FZD3: variants seen among roughly 807,000 people sequenced by gnomAD.
FZD3 encodes the protein frizzled class receptor 3.
In FZD3, 30 loss-of-function variants were observed where a neutral mutation model predicts 60.7. The observed-to-expected ratio is 0.49, with a 90% confidence interval of 0.37 to 0.67. FZD3 has a LOEUF of 0.67. Ranked by LOEUF, FZD3 falls within the 30% of genes least tolerant of loss-of-function variation. The probability of loss-of-function intolerance (pLI) is 0.00; values close to 1 mark genes in which losing one functional copy is unlikely to be tolerated. For missense variants in FZD3, 605 were observed against 838.7 expected, an observed-to-expected ratio of 0.72 and a Z score of 3.44; for synonymous variants, 246 against 275.2, an observed-to-expected ratio of 0.89 and a Z score of 1.05.
intron 3 of FZD3, among the ~76,000 whole-genome samples, chr8:28,517,738 T>C (rs913506307): frequency 6.6e-6 from 1 of 152,214 alleles, no homozygotes; most frequent in Admixed American, 6.5e-5. Flanking sequence ...ATTTCAATTA[T>C]AGAATTTTAA....
chr8:28,555,842 C>T lies in FZD3; in HGVS notation c.1658C>T (p.Thr553Ile). The T allele has an allele frequency of 6.2e-7, 1 of 1,612,898 alleles. No individual in the cohort carries two copies. The highest frequency in any genetic ancestry group is 1.7e-5 in the Admixed American group (1 of 60,014). The change falls in exon 7 of 8, where the codon ACT (threonine) becomes ATT (isoleucine). Residue 553 changes from threonine to isoleucine, a missense_variant. Coordinates refer to ENST00000240093, the MANE Select transcript of FZD3 (RefSeq NM_017412.4). ...PIIRKSRGTS[T>I]QGTSTHASST... ...ATAAGAAAGTCAAGGGGAACTTCCA[C>T]TCAAGGAACATCCACCCATGCTTCT...
chr8:28,502,412 A>G (rs1240768759), intron 2 of FZD3, among the ~76,000 whole-genome samples: 1 of 152,220 alleles, frequency 6.6e-6, no homozygotes, highest in Non-Finnish European at 1.5e-5. Context: ...GCCATTATAC[A>G]TGAGAAGTTG....
rs1251722032 is a variant in FZD3 at position 28,551,633 on chromosome 8, C to A, written c.1435C>A (p.Leu479Ile). The A allele has an allele frequency of 1.2e-6, 2 of 1,610,372 alleles. No individual in the cohort carries two copies. Among genetic ancestry groups the A allele is most frequent in the Admixed American group, 1.7e-5 (1 of 59,876 alleles). The part of the protein sequence containing the change: ...VTQMSRPDLI[L>I]FLMKYLMALI... ...TCAAATGAGTCGTCCAGACTTGATT[C>A]TCTTTCTGATGAAATACCTGATGGC... Residue 479 changes from leucine to isoleucine, a missense_variant, in exon 6 of 8, where the codon CTC (leucine) becomes ATC (isoleucine). Transcript: ENST00000240093.
chr8:28,497,425 T>C (rs1044941959), intron 1 of FZD3, among the ~76,000 whole-genome samples: 1 of 147,068 alleles, frequency 6.8e-6, no homozygotes, highest in Admixed American at 6.9e-5. Context: ...GTACACTGAG[T>C]GTATATTTTG....
At chr8:28,514,763 C>A (rs1436754918) in intron 3 of FZD3, among the ~76,000 whole-genome samples, 3 of 152,198 alleles carry the variant, frequency 2.0e-5, no homozygotes, top group African/African-American at 4.8e-5. Flanking sequence ...CAGTTGAGAA[C>A]AGAGAATTTA....
intron 4 of FZD3, among the ~76,000 whole-genome samples, chr8:28,525,860 G>A (rs1417176681): frequency 6.6e-6 from 1 of 152,046 alleles, no homozygotes; most frequent in South Asian, 2.1e-4. Flanking sequence ...AGAAGAGTTC[G>A]GTTTCTTGAT....
intron 4 of FZD3, among the ~76,000 whole-genome samples, chr8:28,522,620 T>C (rs536829337): frequency 1.3e-5 from 2 of 152,196 alleles, no homozygotes; most frequent in South Asian, 4.1e-4. Context: ...AGGTGTCTTT[T>C]TATTTTAATA....
At chr8:28,550,204 T>C (rs1376401948) in intron 5 of FZD3, among the ~76,000 whole-genome samples, 1 of 152,044 alleles carries the variant, frequency 6.6e-6, no homozygotes, top group Non-Finnish European at 1.5e-5. Flanking sequence ...TAAATTTTTT[T>C]ATTTCCTCTG....
At chr8:28,545,080 C>G (rs1194738454) in intron 5 of FZD3, among the ~76,000 whole-genome samples, 1 of 152,132 alleles carries the variant, frequency 6.6e-6, no homozygotes, top group Non-Finnish European at 1.5e-5. Context: ...TCTTAAAGGC[C>G]CCACCTCTCA....
intron 3 of FZD3, among the ~76,000 whole-genome samples, chr8:28,510,259 T>TA (rs1413202471): frequency 2.0e-5 from 3 of 152,232 alleles, no homozygotes; most frequent in Non-Finnish European, 4.4e-5. Flanking sequence ...AGGAAACAAC[T>TA]GTGTTTCTGG....
chr8:28,517,222 T>C (rs1383581016), intron 3 of FZD3, among the ~76,000 whole-genome samples: 1 of 152,200 alleles, frequency 6.6e-6, no homozygotes, highest in Non-Finnish European at 1.5e-5. Context: ...TGGCTAGAGA[T>C]TATAGTTTGC....
chr8:28,521,888 C>T (rs1443766328), intron 4 of FZD3, among the ~76,000 whole-genome samples: 2 of 151,936 alleles, frequency 1.3e-5, no homozygotes, highest in Non-Finnish European at 2.9e-5. Flanking sequence ...TTCTTTTCTC[C>T]TTCATATTTA....
intron 3 of FZD3, among the ~76,000 whole-genome samples, chr8:28,505,827 C>G (rs745811510): frequency 6.6e-6 from 1 of 152,212 alleles, no homozygotes. Flanking sequence ...GGTACATACT[C>G]TGTACTTTTA....
Position 28,528,095 on chromosome 8 carries a change from C to G in FZD3, c.1335C>G (p.Tyr445Ter). ...GATGCTACTTTTATGAGCAAGCTTA[C>G]CGGGGCATCTGGGAAACAACGTGGA... The part of the protein sequence containing the change: ...VIGCYFYEQA[Y>*]RGIWETTWIQ... The change falls in exon 5 of 8, where the codon TAC becomes TAG. Residue 445 changes from tyrosine to a stop codon, truncating the protein, a stop_gained. Transcript: ENST00000240093. LOFTEE classifies it high-confidence loss of function. 1 of 1,613,750 alleles carries G rather than the reference C, an allele frequency of 6.2e-7. No individual in the cohort carries two copies. The highest frequency in any genetic ancestry group is 8.5e-7 in the Non-Finnish European group (1 of 1,179,736).
chr8:28,529,799 T>TA (rs1804815543), intron 5 of FZD3, among the ~76,000 whole-genome samples: 1 of 152,194 alleles, frequency 6.6e-6, no homozygotes, highest in East Asian at 1.9e-4. Context: ...AACTGCTTAC[T>TA]AAAAACTCTT....
rs961134554 is a variant in FZD3, at chr8:28,520,568, G to A, written c.190-70G>A. On this transcript the variant is annotated intron_variant, in intron 3 of 7. Coordinates refer to ENST00000240093, the MANE Select transcript of FZD3 (RefSeq NM_017412.4). ...TTCTTGTAATGAGAAAGAGAATGTT[G>A]CAGTATTATAGAAAGCTTTAACTTG... 45 of 804,784 alleles carry A rather than the reference G, an allele frequency of 5.6e-5. 1 individual carries two copies. The Admixed American group carries it at 5.9e-4, about 11-fold the overall frequency. The allele number at this position is 804,784 out of a possible 1,614,324, so 49.9% of individuals were successfully genotyped here. A position where few individuals can be genotyped will look rare whatever the true frequency, so the allele number is the denominator to read the frequency against.
intron 7 of FZD3, among the ~76,000 whole-genome samples, chr8:28,558,978 A>G (rs1380461565): frequency 2.0e-5 from 3 of 152,240 alleles, no homozygotes; most frequent in African/African-American, 7.2e-5. Flanking sequence ...AGCACAAGCC[A>G]GGAATATAAT....
At chr8:28,534,303 G>A (rs181269617) in intron 5 of FZD3, among the ~76,000 whole-genome samples, 49 of 152,198 alleles carry the variant, frequency 3.2e-4, no homozygotes, top group Middle Eastern at 3.4e-3. Context: ...TTCACATTGT[G>A]CAACCATCAC....
intron 5 of FZD3, among the ~76,000 whole-genome samples, chr8:28,534,276 C>G (rs1183137248): frequency 6.6e-6 from 1 of 152,196 alleles, no homozygotes; most frequent in Non-Finnish European, 1.5e-5. Flanking sequence ...GTGTACAGTT[C>G]TGTGACATTA....
Sources: allele counts gnomAD v4.1 joint callset (sites outside exome capture counted in the v4.1 genomes callset), GRCh38; gene constraint gnomAD v4.1.1; transcripts MANE v1.5; gene names NCBI Gene and HGNC (gene_info 2026-07-23, HGNC 2026-07-21).